Variants in ABCB5 observed in about 807,000 individuals in gnomAD.
ABCB5 encodes ATP-binding cassette sub-family B member 5.
In ABCB5, 155 loss-of-function variants were observed where a neutral mutation model predicts 144.2. That is an observed-to-expected ratio of 1.08 (90% CI 0.94 to 1.23). The LOEUF is 1.23. Among genes scored for constraint, ABCB5 ranks in the 50% most tolerant of loss-of-function variants. ABCB5 has a pLI of 0.00. For missense variants in ABCB5, 1,830 were observed against 1,520.8 expected (o/e 1.20, Z -3.38); for synonymous variants, 610 against 528.6 (o/e 1.15, Z -2.11).
chr7:20,636,542 T>C (rs1784159211), intron 5 of ABCB5, among the ~76,000 whole-genome samples: 1 of 152,042 alleles, frequency 6.6e-6, no homozygotes, highest in Non-Finnish European at 1.5e-5. Context: ...CCCAACATTT[T>C]AGGAGGCTGA....
intron 16 of ABCB5, among the ~76,000 whole-genome samples, chr7:20,686,286 A>G (rs777659496): frequency 6.6e-6 from 1 of 152,112 alleles, no homozygotes; most frequent in Non-Finnish European, 1.5e-5. Flanking sequence ...GCTCACTTGG[A>G]TGGGAGTATT....
chr7:20,732,079 G>A (rs924049302), intron 23 of ABCB5, among the ~76,000 whole-genome samples: 3 of 152,136 alleles, frequency 2.0e-5, no homozygotes, highest in Admixed American at 6.5e-5. Context: ...GGGCTGCTGC[G>A]TTGCTTTCCA....
chr7:20,707,581 T>G (rs76199937), intron 20 of ABCB5, among the ~76,000 whole-genome samples: 3,030 of 152,306 alleles, frequency 0.02, 99 homozygotes, highest in African/African-American at 0.069. Flanking sequence ...AAAGTCTTAT[T>G]TCATTTTTGT....
chr7:20,705,742 C>T (rs955413750), intron 20 of ABCB5, among the ~76,000 whole-genome samples: 10 of 151,450 alleles, frequency 6.6e-5, no homozygotes, highest in African/African-American at 1.9e-4. Context: ...CTAAAGCAAC[C>T]CATCAGAATT....
intron 12 of ABCB5, 45 bp downstream of exon 12, chr7:20,650,192 C>A: frequency 6.3e-7 from 1 of 1,599,972 alleles, no homozygotes; most frequent in Non-Finnish European, 8.5e-7. Flanking sequence ...CTAATGGAAT[C>A]TGGAAACACC....
chr7:20,621,284 A>G (rs1307049376), intron 1 of ABCB5, among the ~76,000 whole-genome samples: 2 of 152,140 alleles, frequency 1.3e-5, no homozygotes, highest in Non-Finnish European at 2.9e-5. Flanking sequence ...GTTTGTGATG[A>G]TGAAAAAGTT....
intron 16 of ABCB5, among the ~76,000 whole-genome samples, chr7:20,694,429 T>C (rs1183789556): frequency 6.6e-6 from 1 of 152,064 alleles, no homozygotes; most frequent in African/African-American, 2.4e-5. Context: ...CATTTTTTGA[T>C]AACTCTCAGC....
intron 20 of ABCB5, among the ~76,000 whole-genome samples, chr7:20,707,837 G>A (rs1261563253): frequency 1.6e-5 from 2 of 126,780 alleles, no homozygotes; most frequent in South Asian, 2.4e-4. Flanking sequence ...ACGGGGTCTC[G>A]CTCTCGCCCA....
chr7:20,711,332 T>C (rs1365074348), intron 20 of ABCB5, among the ~76,000 whole-genome samples: 14 of 149,922 alleles, frequency 9.3e-5, no homozygotes, highest in Admixed American at 8.7e-4. Flanking sequence ...CTTAAAGCGT[T>C]AAGCTTGATA....
At chr7:20,660,509 G>T (rs1784969054) in intron 14 of ABCB5, 2 of 729,044 alleles carry the variant, frequency 2.7e-6, no homozygotes, top group Middle Eastern at 7.1e-4. Flanking sequence ...ATTGGAAAAT[G>T]GCTTATGGAG....
In ABCB5 at chr7:20,723,088, A is replaced by G; in HGVS notation, c.2494A>G (p.Ile832Val). Reference sequence around the variant, plus strand: ...GGGACTTTCAGTTATCATTTCCTTTATATATGGATGGGAGATGACATTCCT... The same window carrying G: ...GGGACTTTCAGTTATCATTTCCTTTGTATATGGATGGGAGATGACATTCCT... ...NMGLSVIISFIYGWEMTFLIL... is the reference protein window; with the variant it reads ...NMGLSVIISFVYGWEMTFLIL... The change falls in exon 21 of 28, where the codon ATA (isoleucine) becomes GTA (valine). Residue 832 changes from isoleucine (I) to valine (V), a missense_variant. By Grantham distance (29) the Ile-to-Val change is conservative. Coordinates refer to ENST00000404938, the MANE Select transcript of ABCB5 (RefSeq NM_001163941.2). 6.2e-7 allele frequency: 1 copy of G among 1,614,108 alleles called. No homozygotes were observed. The highest frequency in any genetic ancestry group is 8.5e-7 in the Non-Finnish European group (1 of 1,180,018).
At chr7:20,672,270 G>A (rs76118136) in intron 14 of ABCB5, among the ~76,000 whole-genome samples, 2,189 of 151,158 alleles carry the variant, frequency 0.014, 35 homozygotes, top group South Asian at 0.08. Context: ...GCTTTCTATT[G>A]TCTTAAGTGT....
At chr7:20,711,121 C>T (rs1471534482) in intron 20 of ABCB5, among the ~76,000 whole-genome samples, 1 of 144,854 alleles carries the variant, frequency 6.9e-6, no homozygotes, top group Non-Finnish European at 1.5e-5. Context: ...CAGTCTCCTT[C>T]TATATATGTA....
intron 20 of ABCB5, among the ~76,000 whole-genome samples, chr7:20,708,857 C>G (rs914885768): frequency 5.9e-5 from 9 of 152,176 alleles, no homozygotes; most frequent in Admixed American, 5.9e-4. Flanking sequence ...TGTAATGTAT[C>G]TTAGTAGATT....
chr7:20,658,720 T>A (rs1222553556), intron 14 of ABCB5, 44 bp downstream of exon 14: 1 of 1,599,880 alleles, frequency 6.3e-7, no homozygotes, highest in African/African-American at 1.3e-5. Context: ...TCCTGGTTCA[T>A]TATTGTTTTG....
At chr7:20,624,236 C>G (rs188263687) in intron 2 of ABCB5, among the ~76,000 whole-genome samples, 6 of 152,290 alleles carry the variant, frequency 3.9e-5, no homozygotes, top group Admixed American at 3.3e-4. Context: ...CTGACTAAAT[C>G]ATGTGTTCGG....
intron 14 of ABCB5, among the ~76,000 whole-genome samples, chr7:20,668,623 C>T (rs1189869806): frequency 1.3e-5 from 2 of 149,026 alleles, no homozygotes; most frequent in African/African-American, 2.5e-5. Flanking sequence ...CCCGGCCAGC[C>T]GCCCCGTCCG....
chr7:20,665,545 A>C (rs1055964699), intron 14 of ABCB5, among the ~76,000 whole-genome samples: 1 of 152,108 alleles, frequency 6.6e-6, no homozygotes, highest in South Asian at 2.1e-4. Context: ...ACTGAAGAGT[A>C]GTGAGAAGTT....
chr7:20,703,003 A>G (rs528175899), intron 19 of ABCB5, among the ~76,000 whole-genome samples: 2 of 152,210 alleles, frequency 1.3e-5, no homozygotes, highest in East Asian at 3.9e-4. Context: ...CTGTCTTGCC[A>G]AAAAGCAATT....
Sources: allele counts gnomAD v4.1 joint callset (sites outside exome capture counted in the v4.1 genomes callset), GRCh38; gene constraint gnomAD v4.1.1; transcripts MANE v1.5; gene names NCBI Gene and HGNC (gene_info 2026-07-23, HGNC 2026-07-21).